The following ACAD10 variants were observed in gnomAD, a reference collection of about 807,000 sequenced individuals.
The protein encoded by ACAD10 is ACAD-10.
In ACAD10, 112 loss-of-function variants were observed where a neutral mutation model predicts 116.8. The observed-to-expected ratio is 0.96, with a 90% CI of 0.82 to 1.12. ACAD10 has a LOEUF of 1.12. Ranked by LOEUF, ACAD10 falls within the 50% of genes most tolerant of loss-of-function variation. The pLI, the probability that ACAD10 is intolerant of heterozygous loss-of-function variation, is 0.00. For missense variants in ACAD10, 1,259 were observed against 1,350.2 expected (o/e 0.93, Z 1.06); for synonymous variants, 486 against 510.6 (o/e 0.95, Z 0.65).
chr12:111,704,745 T>G (rs1053614124), intron 3 of ACAD10, among the ~76,000 whole-genome samples: 15 of 147,604 alleles, frequency 1.0e-4, no homozygotes, highest in African/African-American at 3.8e-4. Context: ...TGGAGTGCAG[T>G]GGCATGATCT....
chr12:111,737,048 C>T (rs1322496267), intron 12 of ACAD10, 44 bp downstream of exon 12: 1 of 1,592,202 alleles, frequency 6.3e-7, no homozygotes, highest in East Asian at 2.2e-5. Flanking sequence ...GGGTGAGTCA[C>T]AGCAAGGACC....
At chr12:111,729,784 G>A (rs1427936130) in intron 9 of ACAD10, 22 bp from the exon 10 acceptor site, 2 of 1,607,254 alleles carry the variant, frequency 1.2e-6, no homozygotes, top group Non-Finnish European at 1.7e-6. Context: ...TGCACACCAA[G>A]TTCTAATCCT....
At chr12:111,728,222 T>C (rs552323108) in intron 9 of ACAD10, 79 bp downstream of exon 9, 1 of 1,434,536 alleles carries the variant, frequency 7.0e-7, no homozygotes, top group South Asian at 1.4e-5. Flanking sequence ...TCGTTTTGGG[T>C]CGTTTTGAGT....
chr12:111,686,471 C>G (rs1375199732), intron 1 of ACAD10: 4 of 152,656 alleles, frequency 2.6e-5, no homozygotes, highest in Admixed American at 2.0e-4. Flanking sequence ...GTAATCCCAG[C>G]CCAGAGGCTT....
At chr12:111,723,871 A>G (rs1286295605) in intron 8 of ACAD10, among the ~76,000 whole-genome samples, 9 of 134,962 alleles carry the variant, frequency 6.7e-5, no homozygotes, top group Non-Finnish European at 1.1e-4. Flanking sequence ...CTTCTCAGAC[A>G]GGGCGGCCGG....
chr12:111,692,903 T>G lies in ACAD10; in HGVS notation c.187+7T>G. ...CCAGGGAGAGTCGCTGCAGGTGAGC[T>G]ATTGATTCTGTTTCACTTTGTGGGA... On this transcript the variant is annotated splice_region_variant and intron_variant, in intron 2 of 20. Coordinates refer to ENST00000313698, the MANE Select transcript of ACAD10 (RefSeq NM_025247.6). The G allele has an allele frequency of 6.2e-7, 1 of 1,613,196 alleles. No homozygotes were observed. The highest frequency in any genetic ancestry group is 2.2e-5 in the East Asian group (1 of 44,868).
intron 4 of ACAD10, among the ~76,000 whole-genome samples, chr12:111,709,058 A>AAAT (rs1888592411): frequency 6.6e-6 from 1 of 152,154 alleles, no homozygotes; most frequent in African/African-American, 2.4e-5. Context: ...AAAAAAAAAA[A>AAAT]AATGGCGAAA....
intron 11 of ACAD10, among the ~76,000 whole-genome samples, chr12:111,736,391 A>G (rs753629886): frequency 1.3e-5 from 2 of 151,756 alleles, no homozygotes; most frequent in African/African-American, 2.4e-5. Flanking sequence ...GGGTTTCACC[A>G]TATTGGTCAG....
intron 19 of ACAD10, among the ~76,000 whole-genome samples, chr12:111,754,987 A>G (rs897549780): frequency 1.3e-5 from 2 of 152,206 alleles, no homozygotes; most frequent in Admixed American, 6.5e-5. Context: ...AGCCTCACCC[A>G]GCTCACATCA....
chr12:111,694,528 G>A (rs1414482479), intron 2 of ACAD10, among the ~76,000 whole-genome samples: 1 of 152,076 alleles, frequency 6.6e-6, no homozygotes, highest in African/African-American at 2.4e-5. Context: ...AGGCAGCAGG[G>A]AAGAACATAA....
intron 4 of ACAD10, among the ~76,000 whole-genome samples, chr12:111,708,199 T>C (rs1329220472): frequency 6.6e-6 from 1 of 152,212 alleles, no homozygotes; most frequent in East Asian, 1.9e-4. Flanking sequence ...CATGCCATCA[T>C]GTGCAAAATA....
intron 16 of ACAD10, chr12:111,747,796 C>T (rs1889957124): frequency 9.9e-7 from 1 of 1,014,058 alleles, no homozygotes; most frequent in Admixed American, 5.1e-5. Flanking sequence ...TTTGCAGGGC[C>T]CCTACAAGTA....
At chr12:111,736,553 C>G (rs533183603) in intron 11 of ACAD10, among the ~76,000 whole-genome samples, 2 of 152,150 alleles carry the variant, frequency 1.3e-5, no homozygotes, top group Non-Finnish European at 2.9e-5. Context: ...ATGCATCCAC[C>G]CTTAACTGTG....
intron 5 of ACAD10, 124 bp from the exon 6 acceptor site, chr12:111,712,374 C>T (rs1888710835): frequency 9.1e-6 from 8 of 881,704 alleles, no homozygotes; most frequent in Non-Finnish European, 1.4e-5. Flanking sequence ...ATTCTCTGCA[C>T]CTGTACTACC....
chr12:111,756,094 C>T (rs112654484), intron 20 of ACAD10: 60 of 1,376,122 alleles, frequency 4.4e-5, no homozygotes, highest in African/African-American at 2.9e-4. Flanking sequence ...TCCTAACCCC[C>T]GGCCCCAGCA....
Position 111,748,397 on chromosome 12 carries a change from G to C in ACAD10, c.2566G>C (p.Val856Leu). The C allele has an allele frequency of 6.2e-7, 1 of 1,614,158 alleles. No individual in the cohort carries two copies. Among genetic ancestry groups the C allele is most frequent in the Non-Finnish European group, 8.5e-7 (1 of 1,180,026 alleles). The change falls in exon 17 of 21, where the codon GTG (valine) becomes CTG (leucine). Residue 856 changes from valine to leucine, a missense_variant. Val to Leu is a conservative substitution (Grantham distance 32). Coordinates refer to ENST00000313698, the MANE Select transcript of ACAD10 (RefSeq NM_025247.6). ...PHAPRHRQQS[V>L]LLVPMDTPGI... is the part of the protein sequence containing the mutation. ...TGCACCAAGACACCGGCAGCAGTCT[G>C]TGCTCTTGGTTCCCATGGATACCCC...
rs371129256 is a variant in ACAD10 at position 111,746,679 on chromosome 12, T to C, written c.2257-370T>C. On this transcript the variant is annotated intron_variant, in intron 14 of 20. Transcript: ENST00000313698. ...CTGGGATTACAGGCGTGAGCCACCA[T>C]GCCCATCCAATTTGAAGCTTGAAAT... is the stretch of plus-strand genomic sequence containing the variant. 2.7e-5 allele frequency among the ~76,000 whole-genome samples: 4 copies of C among 146,296 alleles called. No homozygotes were observed. The East Asian group carries it at 7.1e-4, about 26-fold the overall frequency.
At position 111,703,011 on chromosome 12, in the gene ACAD10, G is replaced by A. The variant is rs11066009; in HGVS notation, c.336+701G>A. 0.038 allele frequency among the ~76,000 whole-genome samples: 5,808 copies of A among 151,516 alleles called. 1,136 individuals are homozygous for A. The East Asian group carries it at 0.62, about 16-fold the overall frequency. On this transcript the variant is annotated intron_variant, in intron 3 of 20. Transcript: ENST00000313698. ...TCAGGAGGCTGAGGCTTGAGCCCTA[G>A]GGATTGAAACTTCAGTGAACCATGA...
chr12:111,691,091 C>T (rs1888027098), intron 1 of ACAD10: 1 of 152,178 alleles, frequency 6.6e-6, no homozygotes. Context: ...TTACAGTGAT[C>T]TCCCGTTATA....
Sources: gnomAD v4.1 joint callset for allele counts (sites outside exome capture counted in the v4.1 genomes callset) on GRCh38, gnomAD v4.1.1 for gene constraint, MANE v1.5 for transcripts, NCBI Gene and HGNC (gene_info 2026-07-23, HGNC 2026-07-21) for gene names.